Variants in ITGB5 observed in about 807,000 individuals in gnomAD.
The protein encoded by ITGB5 is integrin subunit beta 5, also known as integrin beta-5.
Under a neutral mutation model 84.8 loss-of-function variants are expected in ITGB5, and 38 were observed. That is an observed-to-expected ratio of 0.45 (90% CI 0.35 to 0.59). The LOEUF is 0.59. Among genes scored for constraint, ITGB5 ranks in the 20% least tolerant of loss-of-function variants. The probability of loss-of-function intolerance (pLI) is 0.01; values close to 1 mark genes in which losing one functional copy is unlikely to be tolerated. For synonymous variants in ITGB5, 393 were observed against 414.4 expected (o/e 0.95, Z 0.63); for missense variants, 905 against 1,034.5 (o/e 0.87, Z 1.72).
At chr3:124,776,300 G>A (rs915624861) in intron 10 of ITGB5, among the ~76,000 whole-genome samples, 30 of 152,140 alleles carry the variant, frequency 2.0e-4, no homozygotes, top group African/African-American at 7.0e-4. Context: ...AACTCCCCAC[G>A]GGGAGCCTTC....
intron 9 of ITGB5, among the ~76,000 whole-genome samples, chr3:124,806,875 T>C (rs1323826638): frequency 6.6e-6 from 1 of 152,020 alleles, no homozygotes; most frequent in Admixed American, 6.6e-5. Flanking sequence ...CTTCCTACAA[T>C]TATTAAAAAT....
At chr3:124,833,252 G>A (rs1305477250) in intron 5 of ITGB5, among the ~76,000 whole-genome samples, 1 of 152,172 alleles carries the variant, frequency 6.6e-6, no homozygotes, top group African/African-American at 2.4e-5. Flanking sequence ...TCTGTACTCT[G>A]TGACACAGTC....
intron 2 of ITGB5, among the ~76,000 whole-genome samples, chr3:124,866,645 G>A (rs2107630104): frequency 1.3e-5 from 2 of 152,336 alleles, no homozygotes; most frequent in South Asian, 4.1e-4. Context: ...GCCCAGGGGA[G>A]AAGTGGACAC....
chr3:124,870,451 G>A (rs1454869367), intron 2 of ITGB5, among the ~76,000 whole-genome samples: 2 of 151,836 alleles, frequency 1.3e-5, no homozygotes, highest in Admixed American at 6.6e-5. Context: ...TGCCCCAGTC[G>A]GGCATGGTGG....
intron 10 of ITGB5, chr3:124,787,511 A>C (rs1380780451): frequency 6.6e-6 from 1 of 152,250 alleles, no homozygotes; most frequent in African/African-American, 2.4e-5. Context: ...AGGGGCAATA[A>C]AAATTTAGAA....
chr3:124,793,576 T>G (rs1446102474), intron 10 of ITGB5, among the ~76,000 whole-genome samples: 2 of 152,218 alleles, frequency 1.3e-5, no homozygotes, highest in Non-Finnish European at 2.9e-5. Context: ...GGGTGTGTTT[T>G]CCTTTTGTGC....
chr3:124,768,450 C>A (rs1001602454), intron 12 of ITGB5, among the ~76,000 whole-genome samples: 4 of 152,222 alleles, frequency 2.6e-5, no homozygotes, highest in African/African-American at 9.6e-5. Flanking sequence ...CACTAATGTA[C>A]TTTCTGTCTC....
chr3:124,877,712 T>C (rs1157366539), intron 1 of ITGB5, among the ~76,000 whole-genome samples: 1 of 152,164 alleles, frequency 6.6e-6, no homozygotes, highest in Non-Finnish European at 1.5e-5. Flanking sequence ...ACCTGCCTGG[T>C]GGTCCCTCTG....
intron 1 of ITGB5, among the ~76,000 whole-genome samples, chr3:124,896,015 T>C (rs1038196281): frequency 1.3e-5 from 2 of 152,204 alleles, no homozygotes; most frequent in African/African-American, 4.8e-5. Context: ...GGCAGCAGGC[T>C]CTACTTTACA....
At chr3:124,816,431 G>A (rs3755709) in intron 8 of ITGB5, among the ~76,000 whole-genome samples, 21,407 of 152,240 alleles carry the variant, frequency 0.14, 3,102 homozygotes, top group African/African-American at 0.36. Context: ...AGAAAAACCT[G>A]TTTTACCTAA....
At position 124,763,557 on chromosome 3, in the gene ITGB5, C is replaced by A. The variant is rs954999122; in HGVS notation, c.*66G>T. The stretch of plus-strand genomic sequence containing the variant: ...GGGAGCTGTGATCAAGCCGAGCAGC[C>A]GTGCAAGGCGTTTCAGTCTGACCTT... On this transcript the variant is annotated 3_prime_UTR_variant, in exon 15 of 15. Coordinates refer to ENST00000296181, the MANE Select transcript of ITGB5 (RefSeq NM_002213.5). 5.2e-6 allele frequency: 5 copies of A among 958,734 alleles called. No homozygotes were observed. Among genetic ancestry groups the A allele is most frequent in the Middle Eastern group, 2.2e-4 (1 of 4,630 alleles). The allele number at this position is 958,734 out of a possible 1,614,324, so 59.4% of individuals were successfully genotyped here. A position where few individuals can be genotyped will look rare whatever the true frequency, so the allele number is the denominator to read the frequency against.
At chr3:124,876,182 G>A (rs983984423) in intron 1 of ITGB5, among the ~76,000 whole-genome samples, 1 of 151,976 alleles carries the variant, frequency 6.6e-6, no homozygotes, top group Non-Finnish European at 1.5e-5. Flanking sequence ...AACTATGGGA[G>A]GTGATAAATA....
At chr3:124,792,713 C>G (rs772995886) in intron 10 of ITGB5, 1 of 152,182 alleles carries the variant, frequency 6.6e-6, no homozygotes, top group Non-Finnish European at 1.5e-5. Flanking sequence ...GGCAAACCTC[C>G]GGTTTCTCTA....
At chr3:124,868,174 G>A (rs1412071559) in intron 2 of ITGB5, among the ~76,000 whole-genome samples, 1 of 152,194 alleles carries the variant, frequency 6.6e-6, no homozygotes, top group African/African-American at 2.4e-5. Context: ...ATGGCGAACT[G>A]TGAGTCAATT....
At position 124,807,941 on chromosome 3, in the gene ITGB5, C is replaced by CAAAAAAA. The variant is rs552552243; in HGVS notation, c.1263+1074_1263+1080dup. ...TGGGCGACAGAGCGAGACTTCATCT[C>CAAAAAAA]AAAAAAAAAAAAAAAAAAAAAAAAA... On this transcript the variant is annotated intron_variant, in intron 9 of 14. Coordinates refer to ENST00000296181, the MANE Select transcript of ITGB5 (RefSeq NM_002213.5). 5.6e-4 allele frequency among the ~76,000 whole-genome samples: 15 copies of CAAAAAAA among 26,802 alleles called. 2 individuals carry two copies. Among genetic ancestry groups the CAAAAAAA allele is most frequent in the East Asian group, 4.5e-3 (3 of 670 alleles). The allele number at this position is 26,802 out of a possible 152,430, so 17.6% of individuals were successfully genotyped here. A position where few individuals can be genotyped will look rare whatever the true frequency, so the allele number is the denominator to read the frequency against.
chr3:124,773,892 C>T lies in ITGB5; in HGVS notation c.1714G>A (p.Gly572Arg), dbSNP rs367590881. 1.1e-5 allele frequency: 18 copies of T among 1,614,064 alleles called. No homozygotes were observed. The highest frequency in any genetic ancestry group is 1.3e-5 in the African/African-American group (1 of 74,944). Residue 572 changes from glycine (G) to arginine (R), a missense_variant, in exon 11 of 15, where the codon GGG becomes AGG. This residue lies in a region of ITGB5 where 656 missense variants were observed against 734.7 expected (regional missense o/e 0.89). Coordinates refer to ENST00000296181, the MANE Select transcript of ITGB5 (RefSeq NM_002213.5). ...TAACCTGCATGGCACTTGCATTCCC[C>T]GCAGTGACACTCGCCATGGCCTAAA... Reference protein sequence around the residue: ...LCSGHGECHCGECKCHAGYIG... With the variant: ...LCSGHGECHCRECKCHAGYIG...
In ITGB5 at chr3:124,859,280, T is replaced by C. The variant is rs1189586985; in HGVS notation, c.323A>G (p.Gln108Arg). The change falls in exon 3 of 15, where the codon CAG (glutamine) becomes CGG (arginine). Residue 108 changes from glutamine (Q) to arginine (R), a missense_variant. By Grantham distance (43) the Gln-to-Arg change is conservative (BLOSUM62 1). Coordinates refer to ENST00000296181, the MANE Select transcript of ITGB5 (RefSeq NM_002213.5). Reference sequence around the variant, plus strand: ...CACGGCAATCTCCTGTGGTGTCATCTGAATGACGTCCCAGCCTGCAGAGCC... The same window carrying C: ...CACGGCAATCTCCTGTGGTGTCATCCGAATGACGTCCCAGCCTGCAGAGCC... ...GSGSAGWDVIQMTPQEIAVNL... is the reference protein window; with the variant it reads ...GSGSAGWDVIRMTPQEIAVNL... 1.2e-6 allele frequency: 2 copies of C among 1,614,140 alleles called. No homozygotes were observed. Among genetic ancestry groups the C allele is most frequent in the Admixed American group, 1.7e-5 (1 of 60,028 alleles).
At chr3:124,834,796 T>G (rs2064909708) in intron 5 of ITGB5, among the ~76,000 whole-genome samples, 1 of 152,056 alleles carries the variant, frequency 6.6e-6, no homozygotes, top group Non-Finnish European at 1.5e-5. Context: ...GCAAAGGCCT[T>G]GCCTGAGTCA....
At chr3:124,866,148 A>G (rs570401135) in intron 2 of ITGB5, among the ~76,000 whole-genome samples, 158 of 152,072 alleles carry the variant, frequency 1.0e-3, no homozygotes, top group African/African-American at 3.7e-3. Context: ...ATGCCTGGCT[A>G]ATTTTTGTAT....
Sources: allele counts gnomAD v4.1 joint callset (sites outside exome capture counted in the v4.1 genomes callset), GRCh38; gene constraint gnomAD v4.1.1; regional missense constraint gnomAD v4.1.1; transcripts MANE v1.5; gene names NCBI Gene and HGNC (gene_info 2026-07-23, HGNC 2026-07-21).